ERP44: variants seen among roughly 807,000 people sequenced by gnomAD.
The protein encoded by ERP44 is endoplasmic reticulum resident protein 44.
A neutral mutation model predicts 53.4 loss-of-function variants in ERP44; 25 were observed. That is an observed-to-expected ratio of 0.47 (90% CI 0.34 to 0.65). The LOEUF (loss-of-function observed/expected upper bound fraction) is 0.65, where lower values mean the gene tolerates loss of function less well. ERP44 is among the 30% of genes least tolerant of loss of function. The pLI, the probability that ERP44 is intolerant of heterozygous loss-of-function variation, is 0.01. For missense variants in ERP44, 338 were observed against 493.2 expected, an observed-to-expected ratio of 0.69 and a Z score of 2.98; for synonymous variants, 145 against 161.2, an observed-to-expected ratio of 0.90 and a Z score of 0.76.
At chr9:100,038,363 C>A (rs6478997) in intron 4 of ERP44, among the ~76,000 whole-genome samples, 102,922 of 151,958 alleles carry the variant, frequency 0.68, 36,084 homozygotes, top group East Asian at 0.91. Flanking sequence ...AGGGAGATGA[C>A]GTTAAAGTGT....
In ERP44 at chr9:99,979,715, T is replaced by A; in HGVS notation, c.*2897A>T. ...TTCTTCAGTCTGGTCTTGCATCCTC[T>A]CTTCCCAGCTGAGAAGCCTGAGGCC... On this transcript the variant is annotated 3_prime_UTR_variant, in exon 12 of 12. Coordinates refer to ENST00000262455, the MANE Select transcript of ERP44 (RefSeq NM_015051.3). 1 of 372,732 alleles carries A rather than the reference T, an allele frequency of 2.7e-6. No individual in the cohort carries two copies. Among genetic ancestry groups the A allele is most frequent in the Non-Finnish European group, 4.8e-6 (1 of 210,134 alleles). 23.1% of individuals were successfully genotyped at this position (372,732 alleles called of 1,614,324 possible).
chr9:100,034,385 G>A (rs1031600382), intron 4 of ERP44, among the ~76,000 whole-genome samples: 2 of 152,118 alleles, frequency 1.3e-5, no homozygotes, highest in African/African-American at 4.8e-5. Context: ...AAAAAGGCAG[G>A]AAGTTCCAGG....
At chr9:100,088,045 CAG>C (rs5899403) in intron 1 of ERP44, among the ~76,000 whole-genome samples, 1 of 151,402 alleles carries the variant, frequency 6.6e-6, no homozygotes, top group Non-Finnish European at 1.5e-5. Flanking sequence ...CCTCCTGTAA[CAG>C]AGAATCAAAA....
intron 1 of ERP44, among the ~76,000 whole-genome samples, chr9:100,096,803 G>A (rs1826637428): frequency 6.6e-6 from 1 of 152,068 alleles, no homozygotes. Context: ...GGAAGAGTAG[G>A]AAAAAAGTAC....
At chr9:100,067,882 C>T (rs549193977) in intron 1 of ERP44, among the ~76,000 whole-genome samples, 41 of 151,648 alleles carry the variant, frequency 2.7e-4, no homozygotes, top group African/African-American at 8.7e-4. Flanking sequence ...GCCCGGCAGC[C>T]GCCCCGCCTG....
intron 1 of ERP44, among the ~76,000 whole-genome samples, chr9:100,063,018 G>C (rs1347248871): frequency 1.5e-5 from 2 of 133,770 alleles, no homozygotes; most frequent in Non-Finnish European, 3.0e-5. Context: ...AGTTTGCAGT[G>C]AGCTATGATT....
chr9:100,072,040 C>T (rs62577234), intron 1 of ERP44, among the ~76,000 whole-genome samples: 2,783 of 152,302 alleles, frequency 0.018, 47 homozygotes, highest in Middle Eastern at 0.048. Flanking sequence ...GGTGCCTATC[C>T]TAATTAATGA....
At chr9:100,015,177 CTA>C (rs1830515534) in intron 8 of ERP44, among the ~76,000 whole-genome samples, 2 of 152,170 alleles carry the variant, frequency 1.3e-5, no homozygotes, top group African/African-American at 4.8e-5. Flanking sequence ...CCATACCACT[CTA>C]AGTAGTGATT....
At chr9:100,079,298 T>C (rs1204238583) in intron 1 of ERP44, among the ~76,000 whole-genome samples, 2 of 152,156 alleles carry the variant, frequency 1.3e-5, no homozygotes, top group East Asian at 1.9e-4. Context: ...AACATCAGAC[T>C]CCAAGTACTT....
At chr9:100,035,806 C>T (rs988767184) in intron 4 of ERP44, among the ~76,000 whole-genome samples, 4 of 152,300 alleles carry the variant, frequency 2.6e-5, no homozygotes, top group East Asian at 1.9e-4. Context: ...TGCTTATTAT[C>T]GCTAATCATC....
At chr9:100,070,022 T>C (rs1362705437) in intron 1 of ERP44, among the ~76,000 whole-genome samples, 1 of 152,232 alleles carries the variant, frequency 6.6e-6, no homozygotes, top group Non-Finnish European at 1.5e-5. Context: ...AACTTCTCAA[T>C]GTGCGGAAAA....
chr9:100,069,421 A>C (rs962208088), intron 1 of ERP44, among the ~76,000 whole-genome samples: 2 of 152,154 alleles, frequency 1.3e-5, no homozygotes, highest in African/African-American at 4.8e-5. Flanking sequence ...ATACTCTACA[A>C]AACTACTTTC....
In ERP44 at chr9:100,072,271, C is replaced by T. The variant is rs62577235; in HGVS notation, c.58-12099G>A. 3.8e-3 allele frequency among the ~76,000 whole-genome samples: 580 copies of T among 152,152 alleles called. 4 individuals are homozygous for T. Among genetic ancestry groups the T allele is most frequent in the Middle Eastern group, 0.01 (3 of 294 alleles). The stretch of plus-strand genomic sequence containing the variant: ...ACCAAAAAGCTAATCAGAGAATGAC[C>T]TTGGTGTGTTAAAAGGAAATCTGAA... On this transcript the variant is annotated intron_variant, in intron 1 of 11. Transcript: ENST00000262455.
rs7857024 is a variant in ERP44 at position 100,040,567 on chromosome 9, T to G, written c.286+11850A>C. ...GACCCACAGCTAGTATCATACTGAA[T>G]GGGGAAAAACTGAAAGCCTTTCCTC... On this transcript the variant is annotated intron_variant, in intron 4 of 11. Coordinates refer to ENST00000262455, the MANE Select transcript of ERP44 (RefSeq NM_015051.3). Among the ~76,000 whole-genome samples the G allele has an allele frequency of 4.0e-3, 602 of 152,250 alleles. 4 individuals carry two copies. Among genetic ancestry groups the G allele is most frequent in the African/African-American group, 0.014 (583 of 41,560 alleles).
intron 4 of ERP44, among the ~76,000 whole-genome samples, chr9:100,028,164 G>T (rs1265679469): frequency 6.6e-6 from 1 of 152,180 alleles, no homozygotes; most frequent in Admixed American, 6.5e-5. Flanking sequence ...AGTAACTCAG[G>T]TATATGGGTG....
chr9:99,989,310 G>A (rs764356981), intron 10 of ERP44, among the ~76,000 whole-genome samples: 20 of 152,170 alleles, frequency 1.3e-4, no homozygotes, highest in Non-Finnish European at 2.6e-4. Flanking sequence ...ATACAGCTGG[G>A]TGCCCCTCTG....
chr9:100,074,963 T>C (rs1587982317), intron 1 of ERP44, among the ~76,000 whole-genome samples: 3 of 152,202 alleles, frequency 2.0e-5, no homozygotes, highest in Admixed American at 2.0e-4. Flanking sequence ...AACCCCCACA[T>C]TGGCTCCCTG....
chr9:100,088,798 T>C (rs920510095), intron 1 of ERP44, among the ~76,000 whole-genome samples: 3 of 152,154 alleles, frequency 2.0e-5, no homozygotes, highest in Non-Finnish European at 4.4e-5. Flanking sequence ...AAATCCCTGA[T>C]CCCTAAACTA....
rs553394529 is a variant in ERP44, at chr9:100,004,912, T to G, written c.1016+1594A>C. The stretch of plus-strand genomic sequence containing the variant: ...CTCTTGACTAGATTACTGAACAGTC[T>G]CCTAGATTTTATTTTGACCCCCTCT... On this transcript the variant is annotated intron_variant, in intron 10 of 11. Coordinates refer to ENST00000262455, the MANE Select transcript of ERP44 (RefSeq NM_015051.3). Among the ~76,000 whole-genome samples, 17 of 152,326 alleles carry G rather than the reference T, an allele frequency of 1.1e-4. No homozygotes were observed. In the South Asian group the frequency reaches 3.5e-3, roughly 32 times the overall value.
Sources: allele counts gnomAD v4.1 joint callset (sites outside exome capture counted in the v4.1 genomes callset), GRCh38; gene constraint gnomAD v4.1.1; transcripts MANE v1.5; gene names NCBI Gene and HGNC (gene_info 2026-07-23, HGNC 2026-07-21).